Variants in NAV3 observed in about 807,000 individuals in gnomAD.
NAV3 encodes neuron navigator 3.
A neutral mutation model predicts 244.7 loss-of-function variants in NAV3; 87 were observed. The observed-to-expected ratio is 0.36, with a 90% confidence interval of 0.30 to 0.42. NAV3 has a LOEUF of 0.42. Among genes scored for constraint, NAV3 ranks in the 20% least tolerant of loss-of-function variants. The pLI, the probability that NAV3 is intolerant of heterozygous loss-of-function variation, is 1.00. For synonymous variants in NAV3, 1,126 were observed against 1,042.2 expected (o/e 1.08, Z -1.55); for missense variants, 2,663 against 2,893.3 (o/e 0.92, Z 1.83).
Position 77,961,029 on chromosome 12 carries a change from T to C in NAV3, c.415-5200T>C, listed in dbSNP as rs201471871. On this transcript the variant is annotated intron_variant, in intron 3 of 39. Coordinates refer to ENST00000397909, the MANE Select transcript of NAV3 (RefSeq NM_001024383.2). ...TGTATATATGTATATGTTACATGTA[T>C]ACGCATATATGTATATATGTATATG... is the stretch of plus-strand genomic sequence containing the variant. Among the ~76,000 whole-genome samples the C allele has an allele frequency of 4.8e-4, 63 of 132,350 alleles. 1 individual carries two copies. Among genetic ancestry groups the C allele is most frequent in the African/African-American group, 1.4e-3 (48 of 35,504 alleles). The allele number at this position is 132,350 out of a possible 152,430, so 86.8% of individuals were successfully genotyped here.
chr12:77,774,016 C>T (rs1210466855), intron 2 of NAV3, among the ~76,000 whole-genome samples: 3 of 152,116 alleles, frequency 2.0e-5, no homozygotes, highest in African/African-American at 7.2e-5. Context: ...CTGATGAACT[C>T]ATAATCAGAA....
At chr12:77,991,428 T>C (rs577192538) in intron 5 of NAV3, among the ~76,000 whole-genome samples, 1 of 150,850 alleles carries the variant, frequency 6.6e-6, no homozygotes, top group African/African-American at 2.4e-5. Flanking sequence ...ATTATGTTTA[T>C]ACATTTAAAT....
intron 2 of NAV3, among the ~76,000 whole-genome samples, chr12:77,718,103 T>G (rs766991615): frequency 8.5e-5 from 13 of 152,180 alleles, no homozygotes; most frequent in Non-Finnish European, 1.3e-4. Flanking sequence ...TGTTTTATTT[T>G]GCTTTTGTAT....
At chr12:77,714,317 C>A (rs1028900695) in intron 2 of NAV3, among the ~76,000 whole-genome samples, 1 of 152,114 alleles carries the variant, frequency 6.6e-6, no homozygotes, top group Non-Finnish European at 1.5e-5. Flanking sequence ...ATTTACCCTA[C>A]AAAATTCCTC....
chr12:78,121,916 AGTT>A (rs777729635), intron 15 of NAV3, 21 bp from the exon 16 acceptor site: 5 of 1,609,838 alleles, frequency 3.1e-6, no homozygotes, highest in Non-Finnish European at 4.2e-6. Context: ...GAACAACTGA[AGTT>A]GTTATTTGTT....
intron 9 of NAV3, chr12:78,037,189 G>A: frequency 1.4e-6 from 1 of 703,030 alleles, no homozygotes; most frequent in Non-Finnish European, 2.6e-6. Flanking sequence ...TCTGCAAGAA[G>A]AGGCTTGGAA....
At chr12:78,191,730 A>C (rs1321934405) in intron 34 of NAV3, among the ~76,000 whole-genome samples, 1 of 152,110 alleles carries the variant, frequency 6.6e-6, no homozygotes, top group Non-Finnish European at 1.5e-5. Context: ...GCTTCCTGTG[A>C]ATTCTGTCTC....
At chr12:77,591,622 T>C (rs781407384) in intron 2 of NAV3, among the ~76,000 whole-genome samples, 5 of 152,202 alleles carry the variant, frequency 3.3e-5, no homozygotes, top group Admixed American at 6.5e-5. Context: ...CATATTCAAG[T>C]GTGTCAATTG....
chr12:77,702,591 G>GT (rs1480459261), intron 2 of NAV3, among the ~76,000 whole-genome samples: 2 of 151,412 alleles, frequency 1.3e-5, no homozygotes, highest in East Asian at 1.9e-4. Context: ...TTTACTTTTT[G>GT]TTTTTTGCTC....
intron 2 of NAV3, among the ~76,000 whole-genome samples, chr12:77,582,520 A>G (rs2136681574): frequency 6.6e-6 from 1 of 152,334 alleles, no homozygotes; most frequent in African/African-American, 2.4e-5. Flanking sequence ...GGAAAATTAC[A>G]TTAGGAAGTT....
At chr12:77,679,414 G>A (rs906245233) in intron 2 of NAV3, among the ~76,000 whole-genome samples, 54 of 152,170 alleles carry the variant, frequency 3.5e-4, no homozygotes, top group African/African-American at 1.2e-3. Context: ...TGCCATTCAC[G>A]GAAATGGAAC....
At chr12:78,032,067 G>A (rs527336724) in intron 9 of NAV3, among the ~76,000 whole-genome samples, 1 of 152,106 alleles carries the variant, frequency 6.6e-6, no homozygotes, top group South Asian at 2.1e-4. Flanking sequence ...AAATAACTGA[G>A]CCCCTGAAAA....
intron 3 of NAV3, among the ~76,000 whole-genome samples, chr12:77,955,513 T>C (rs1300402869): frequency 1.3e-5 from 2 of 152,182 alleles, no homozygotes; most frequent in Non-Finnish European, 2.9e-5. Flanking sequence ...TGTTACTATG[T>C]TAGGTAGGTC....
At chr12:77,954,961 T>C (rs1891231112) in intron 3 of NAV3, among the ~76,000 whole-genome samples, 1 of 152,168 alleles carries the variant, frequency 6.6e-6, no homozygotes, top group African/African-American at 2.4e-5. Flanking sequence ...TTTAGATCTC[T>C]GATCTTTAAG....
rs143218390 is a variant in NAV3, at chr12:78,201,449, C to T, written c.6834+858C>T. Among the ~76,000 whole-genome samples, 16 of 151,926 alleles carry T rather than the reference C, an allele frequency of 1.1e-4. No homozygotes were observed. The East Asian group carries it at 2.9e-3, about 28-fold the overall frequency. The stretch of plus-strand genomic sequence containing the variant: ...CTAAATTCTAAGAGAGTCAGTTGGT[C>T]TTTTGATCTATGACAGATTGGTTTC... On this transcript the variant is annotated intron_variant, in intron 38 of 39. Coordinates refer to ENST00000397909, the MANE Select transcript of NAV3 (RefSeq NM_001024383.2).
chr12:77,846,064 G>A (rs1022080866), intron 1 of NAV3, among the ~76,000 whole-genome samples: 1 of 152,154 alleles, frequency 6.6e-6, no homozygotes, highest in Non-Finnish European at 1.5e-5. Context: ...CTCCAATTCC[G>A]GATGAACGAA....
chr12:78,051,141 A>T lies in NAV3; in HGVS notation c.2510A>T (p.Asn837Ile), dbSNP rs755066867. 2 of 1,602,986 alleles carry T rather than the reference A, an allele frequency of 1.2e-6. No homozygotes were observed. Among genetic ancestry groups the T allele is most frequent in the Non-Finnish European group, 1.7e-6 (2 of 1,171,154 alleles). Residue 837 changes from asparagine to isoleucine, a missense_variant, in exon 11 of 40, where the codon AAC becomes ATC. Asn to Ile is a moderately radical substitution (Grantham distance 149). This residue lies in a region of NAV3 where 1,521 missense variants were observed against 1,497.0 expected (regional missense o/e 1.02). Coordinates refer to ENST00000397909, the MANE Select transcript of NAV3 (RefSeq NM_001024383.2). ...AAAAGTCTCAGGACTGATGACATCA[A>T]CAGTGGGTAAGTAACCCTGTTCTCC... Reference protein sequence around the residue: ...LGKSLRTDDINSGYMTDGGLN... With the variant: ...LGKSLRTDDIISGYMTDGGLN...
intron 2 of NAV3, among the ~76,000 whole-genome samples, chr12:77,738,582 C>T (rs949118646): frequency 6.6e-6 from 1 of 152,190 alleles, no homozygotes; most frequent in Non-Finnish European, 1.5e-5. Context: ...CATACACACA[C>T]GTTGATTTGA....
At chr12:77,792,495 C>G (rs370051311) in intron 2 of NAV3, among the ~76,000 whole-genome samples, 2 of 152,132 alleles carry the variant, frequency 1.3e-5, no homozygotes, top group Admixed American at 6.6e-5. Flanking sequence ...AACCTGCTGC[C>G]CTGCTCTGAA....
Sources: gnomAD v4.1 joint callset for allele counts (sites outside exome capture counted in the v4.1 genomes callset) on GRCh38, gnomAD v4.1.1 for gene constraint, gnomAD v4.1.1 regional missense constraint, MANE v1.5 for transcripts, NCBI Gene and HGNC (gene_info 2026-07-23, HGNC 2026-07-21) for gene names.